EYS: variants seen among roughly 807,000 people sequenced by gnomAD.
EYS encodes the protein protein eyes shut homolog.
In EYS, 250 loss-of-function variants were observed where a neutral mutation model predicts 282.1. The ratio of observed to expected loss-of-function variants is 0.89; its 90% CI spans 0.80 to 0.98. The LOEUF (loss-of-function observed/expected upper bound fraction) is 0.98. Ranked by LOEUF, EYS falls within the 50% of genes least tolerant of loss-of-function variation. The probability of loss-of-function intolerance (pLI) is 0.00; values close to 1 mark genes in which losing one functional copy is unlikely to be tolerated. For missense variants in EYS, 4,016 were observed against 3,709.0 expected (o/e 1.08, Z -2.15); for synonymous variants, 1,355 against 1,282.9 (o/e 1.06, Z -1.20).
rs139937402 is a variant in EYS at position 63,962,694 on chromosome 6, A to T, written c.7055+21689T>A. ...AACTAGTTCAACCATTGTGGAAGTC[A>T]GTGTGGTGATTCCTCAGGGATCTAG... On this transcript the variant is annotated intron_variant, in intron 35 of 42. Coordinates refer to ENST00000503581, the MANE Select transcript of EYS (RefSeq NM_001142800.2). Among the ~76,000 whole-genome samples the T allele has an allele frequency of 7.3e-3, 1,116 of 152,340 alleles. 16 individuals are homozygous for T. Among genetic ancestry groups the T allele is most frequent in the African/African-American group, 0.024 (992 of 41,566 alleles).
At chr6:64,782,390 G>A (rs1166077594) in intron 22 of EYS, among the ~76,000 whole-genome samples, 1 of 152,104 alleles carries the variant, frequency 6.6e-6, no homozygotes, top group East Asian at 1.9e-4. Flanking sequence ...CATGAAGCAG[G>A]CACAACGAAA....
At chr6:64,181,741 A>G (rs1764793740) in intron 31 of EYS, among the ~76,000 whole-genome samples, 1 of 152,280 alleles carries the variant, frequency 6.6e-6, no homozygotes, top group African/African-American at 2.4e-5. Flanking sequence ...CAGGATTAAA[A>G]AAGCAATTAC....
chr6:65,255,004 T>C (rs1339281742), intron 12 of EYS, among the ~76,000 whole-genome samples: 1 of 151,866 alleles, frequency 6.6e-6, no homozygotes, highest in African/African-American at 2.4e-5. Context: ...ACCAGTGATA[T>C]TTTTCACAGA....
intron 24 of EYS, among the ~76,000 whole-genome samples, chr6:64,606,918 T>G (rs767926325): frequency 6.6e-6 from 1 of 152,048 alleles, no homozygotes; most frequent in Non-Finnish European, 1.5e-5. Flanking sequence ...GTGTTGTACG[T>G]CAGTATCCCT....
Position 64,945,897 on chromosome 6 carries a change from G to A in EYS, c.2277C>T (p.Cys759=). 1 of 1,545,954 alleles carries A rather than the reference G, an allele frequency of 6.5e-7. No individual in the cohort carries two copies. The highest frequency in any genetic ancestry group is 1.7e-4 in the Middle Eastern group (1 of 5,968). Residue 759 remains cysteine (C), a synonymous_variant, in exon 15 of 43, where the codon TGC becomes TGT. Coordinates refer to ENST00000503581, the MANE Select transcript of EYS (RefSeq NM_001142800.2). ...AAAAATTTCCTTCCCAATCAGATAG[G>A]CACACACACTGGTAGCTCTAAGAGA... is the stretch of plus-strand genomic sequence containing the variant. ...KDLHLSYQCV[C]LSDWEGNFCE... is the part of the protein sequence containing the mutation.
At chr6:65,573,401 C>A (rs115473944) in intron 2 of EYS, among the ~76,000 whole-genome samples, 194 of 152,288 alleles carry the variant, frequency 1.3e-3, no homozygotes, top group African/African-American at 4.5e-3. Context: ...AGACCAGCAT[C>A]TTTTGCCACT....
intron 22 of EYS, among the ~76,000 whole-genome samples, chr6:64,634,315 G>C (rs1018634080): frequency 4.6e-5 from 7 of 152,164 alleles, no homozygotes; most frequent in Non-Finnish European, 8.8e-5. Flanking sequence ...AGAATTTTGA[G>C]GGTAGATTGT....
intron 35 of EYS, among the ~76,000 whole-genome samples, chr6:63,865,757 A>AT (rs554402765): frequency 4.5e-4 from 68 of 152,108 alleles, no homozygotes; most frequent in Non-Finnish European, 8.5e-4. Flanking sequence ...GGAAAGAACC[A>AT]TTTTTTTCAT....
intron 12 of EYS, among the ~76,000 whole-genome samples, chr6:65,219,494 T>G (rs762227247): frequency 2.0e-5 from 3 of 152,144 alleles, no homozygotes; most frequent in Non-Finnish European, 4.4e-5. Context: ...CTACTGAGTT[T>G]AGAGAAACTT....
intron 31 of EYS, among the ~76,000 whole-genome samples, chr6:64,203,906 A>G (rs1024369470): frequency 2.0e-5 from 3 of 152,194 alleles, no homozygotes; most frequent in African/African-American, 7.2e-5. Context: ...TTTAATCAAC[A>G]AATTCTATAT....
At chr6:65,450,409 T>C (rs563603073) in intron 5 of EYS, among the ~76,000 whole-genome samples, 9 of 152,286 alleles carry the variant, frequency 5.9e-5, no homozygotes, top group African/African-American at 2.2e-4. Context: ...ATGTTACAGA[T>C]TGGATTCTCT....
intron 35 of EYS, among the ~76,000 whole-genome samples, chr6:63,925,935 C>T (rs566976084): frequency 1.3e-5 from 2 of 152,314 alleles, no homozygotes; most frequent in African/African-American, 2.4e-5. Flanking sequence ...TGAGCCACCA[C>T]GCCTGGCCCT....
intron 12 of EYS, among the ~76,000 whole-genome samples, chr6:65,287,784 G>A (rs574851662): frequency 6.6e-6 from 1 of 151,278 alleles, no homozygotes; most frequent in East Asian, 1.9e-4. Flanking sequence ...TTTATGGGAA[G>A]ATGTTTAAAT....
intron 19 of EYS, among the ~76,000 whole-genome samples, chr6:64,823,225 T>C (rs1035956868): frequency 2.6e-5 from 4 of 151,834 alleles, no homozygotes; most frequent in Admixed American, 1.3e-4. Context: ...TAAATTTGGC[T>C]TTAGTGAGTC....
chr6:65,239,624 T>C lies in EYS; in HGVS notation c.2023+56239A>G, dbSNP rs73741279. 2.7e-3 allele frequency among the ~76,000 whole-genome samples: 418 copies of C among 152,212 alleles called. 6 individuals are homozygous for C. The highest frequency in any genetic ancestry group is 0.01 in the Middle Eastern group (3 of 294). On this transcript the variant is annotated intron_variant, in intron 12 of 42. Transcript: ENST00000503581. ...AGAAATGTAACAGAACCTCATTAAA[T>C]GAACAAATTTGAAAATCTTCAGAAT...
intron 5 of EYS, among the ~76,000 whole-genome samples, chr6:65,414,116 A>G (rs759603292): frequency 2.0e-5 from 3 of 152,214 alleles, no homozygotes; most frequent in Non-Finnish European, 4.4e-5. Context: ...ATGAATAAAT[A>G]AAGAGCATAT....
intron 22 of EYS, among the ~76,000 whole-genome samples, chr6:64,786,355 T>C (rs1490684685): frequency 2.6e-5 from 4 of 152,014 alleles, no homozygotes; most frequent in Admixed American, 1.3e-4. Context: ...GGTGTATATA[T>C]AGACGTTGGA....
chr6:65,605,919 A>G (rs966345115), intron 2 of EYS, among the ~76,000 whole-genome samples: 2 of 151,708 alleles, frequency 1.3e-5, no homozygotes, highest in African/African-American at 4.8e-5. Context: ...ATTGTGGTCA[A>G]TGTTTACTTT....
rs527486820 is a variant in EYS, at chr6:64,127,988, A to G, written c.6425-45986T>C. The stretch of plus-strand genomic sequence containing the variant: ...AGAAATTTAACAAATATATTTAATC[A>G]TGAAAATTGGCATCTAACATTTTGC... On this transcript the variant is annotated intron_variant, in intron 31 of 42. Coordinates refer to ENST00000503581, the MANE Select transcript of EYS (RefSeq NM_001142800.2). Among the ~76,000 whole-genome samples, 4 of 152,316 alleles carry G rather than the reference A, an allele frequency of 2.6e-5. No homozygotes were observed. In the South Asian group the frequency reaches 6.2e-4, roughly 24 times the overall value.
Sources: allele counts gnomAD v4.1 joint callset (sites outside exome capture counted in the v4.1 genomes callset), GRCh38; gene constraint gnomAD v4.1.1; transcripts MANE v1.5; gene names NCBI Gene and HGNC (gene_info 2026-07-23, HGNC 2026-07-21).